Variants in PDS5A observed in about 807,000 individuals in gnomAD.
PDS5A encodes the protein sister chromatid cohesion protein PDS5 homolog A.
Under a neutral mutation model 167.1 loss-of-function variants are expected in PDS5A, and 42 were observed. The observed-to-expected ratio is 0.25, with a 90% CI of 0.20 to 0.33. The LOEUF (loss-of-function observed/expected upper bound fraction) is 0.33. Among genes scored for constraint, PDS5A ranks in the 10% least tolerant of loss-of-function variants. The probability of loss-of-function intolerance (pLI) is 1.00; values close to 1 mark genes in which losing one functional copy is unlikely to be tolerated. For synonymous variants in PDS5A, 553 were observed against 554.6 expected, an observed-to-expected ratio of 1.00 and a Z score of 0.04; for missense variants, 1,033 against 1,605.9, an observed-to-expected ratio of 0.64 and a Z score of 6.10.
chr4:39,951,503 TAAC>T (rs140680873), intron 2 of PDS5A, among the ~76,000 whole-genome samples: 5,209 of 152,310 alleles, frequency 0.034, 213 homozygotes, highest in East Asian at 0.22. Context: ...CTTGTGCTGA[TAAC>T]AACTGATAAC....
intron 32 of PDS5A, among the ~76,000 whole-genome samples, chr4:39,831,232 G>A (rs1715835347): frequency 6.6e-6 from 1 of 152,118 alleles, no homozygotes; most frequent in Non-Finnish European, 1.5e-5. Context: ...CTGAGTAGCT[G>A]GGACTAGAGG....
rs1716604426 is a variant in PDS5A at position 39,838,114 on chromosome 4, T to A, written c.3752A>T (p.Gln1251Leu). Residue 1251 changes from glutamine to leucine, a missense_variant, in exon 32 of 33, where the codon CAA becomes CTA. Transcript: ENST00000303538. ...TTCATCTACTTTCTCATCTGTTTTTTGTTGGATATTCTCTGCACCAGCTGC... is the reference window on the plus strand; with the variant it reads ...TTCATCTACTTTCTCATCTGTTTTTAGTTGGATATTCTCTGCACCAGCTGC... Reference protein sequence around the residue: ...VTAAGAENIQQKTDEKVDESG... With the variant: ...VTAAGAENIQLKTDEKVDESG... The A allele has an allele frequency of 1.2e-6, 2 of 1,613,854 alleles. No homozygotes were observed. The highest frequency in any genetic ancestry group is 1.7e-6 in the Non-Finnish European group (2 of 1,179,878).
intron 2 of PDS5A, chr4:39,973,031 A>T: frequency 1.7e-6 from 1 of 572,364 alleles, no homozygotes; most frequent in South Asian, 2.0e-5. Flanking sequence ...AATTTATTTT[A>T]TATTTTGCAA....
At chr4:39,958,233 A>G (rs1386609279) in intron 2 of PDS5A, among the ~76,000 whole-genome samples, 1 of 151,456 alleles carries the variant, frequency 6.6e-6, no homozygotes, top group African/African-American at 2.4e-5. Context: ...AAGGCCAGGC[A>G]TGGTGGTTCA....
intron 5 of PDS5A, among the ~76,000 whole-genome samples, chr4:39,925,055 T>C (rs1409297720): frequency 6.6e-6 from 1 of 152,112 alleles, no homozygotes; most frequent in African/African-American, 2.4e-5. Flanking sequence ...GAAGTTGCAG[T>C]GAGCCAAGAT....
At chr4:39,913,275 C>A (rs1044544316) in intron 9 of PDS5A, among the ~76,000 whole-genome samples, 1 of 151,870 alleles carries the variant, frequency 6.6e-6, no homozygotes, top group South Asian at 2.1e-4. Context: ...AGTAGAGACA[C>A]CATGTTGGTC....
At chr4:39,894,854 A>G (rs970854292) in intron 16 of PDS5A, among the ~76,000 whole-genome samples, 1 of 152,282 alleles carries the variant, frequency 6.6e-6, no homozygotes, top group Middle Eastern at 3.4e-3. Flanking sequence ...CAGGGCCCTT[A>G]TACAGAGAAA....
At chr4:39,836,357 G>A (rs1716385030) in intron 32 of PDS5A, among the ~76,000 whole-genome samples, 1 of 152,192 alleles carries the variant, frequency 6.6e-6, no homozygotes, top group Admixed American at 6.5e-5. Context: ...GCCATGAGAG[G>A]ATGTGAAAGA....
chr4:39,908,630 T>C, intron 10 of PDS5A, 90 bp from the exon 11 acceptor site: 1 of 768,802 alleles, frequency 1.3e-6, no homozygotes, highest in Non-Finnish European at 2.1e-6. Context: ...TGTTAAGTTT[T>C]TGTCCATACT....
intron 23 of PDS5A, among the ~76,000 whole-genome samples, chr4:39,864,775 T>C (rs968421760): frequency 3.9e-5 from 6 of 152,228 alleles, no homozygotes; most frequent in African/African-American, 1.4e-4. Flanking sequence ...AAAAACACTT[T>C]ATAGGCTTTA....
intron 9 of PDS5A, 45 bp downstream of exon 9, chr4:39,913,566 G>A (rs747731389): frequency 6.8e-6 from 7 of 1,032,356 alleles, no homozygotes; most frequent in Non-Finnish European, 1.1e-5. Context: ...GCACCCTACT[G>A]ACTATTTTCT....
chr4:39,972,177 A>G (rs1482245675), intron 2 of PDS5A, among the ~76,000 whole-genome samples: 1 of 152,206 alleles, frequency 6.6e-6, no homozygotes, highest in Non-Finnish European at 1.5e-5. Context: ...TCAAACAGAA[A>G]ATGTACATAA....
intron 30 of PDS5A, among the ~76,000 whole-genome samples, chr4:39,844,312 T>G (rs932225329): frequency 6.6e-6 from 1 of 151,534 alleles, no homozygotes; most frequent in African/African-American, 2.4e-5. Flanking sequence ...CCGTCTCTAC[T>G]AAAAATACAA....
chr4:39,914,162 GTTTT>G (rs34732453), intron 8 of PDS5A, among the ~76,000 whole-genome samples: 15 of 64,108 alleles, frequency 2.3e-4, no homozygotes, highest in African/African-American at 5.0e-4. Context: ...ATACAAATTT[GTTTT>G]TTTTTTTTTT....
At chr4:39,883,010 T>A (rs1056168748) in intron 17 of PDS5A, among the ~76,000 whole-genome samples, 4 of 152,154 alleles carry the variant, frequency 2.6e-5, no homozygotes, top group Non-Finnish European at 5.9e-5. Flanking sequence ...TGAAAACTCT[T>A]CTAATTTTCC....
At chr4:39,930,246 A>AAAAAAAAAAAAAAAAAAAAAAAATTTTTT in intron 2 of PDS5A, among the ~76,000 whole-genome samples, 1 of 93,090 alleles carries the variant, frequency 1.1e-5, no homozygotes, top group Admixed American at 1.1e-4. Context: ...AAAAAAAAAA[A>AAAAAAAAAAAAAAAAAAAAAAAATTTTTT]GTTTTTTTGT....
At chr4:39,923,662 C>A (rs911849052) in intron 5 of PDS5A, among the ~76,000 whole-genome samples, 1 of 151,806 alleles carries the variant, frequency 6.6e-6, no homozygotes, top group Admixed American at 6.6e-5. Flanking sequence ...CACACACACA[C>A]ACACACACAC....
chr4:39,831,976 T>A (rs1715937569), intron 32 of PDS5A, among the ~76,000 whole-genome samples: 1 of 142,136 alleles, frequency 7.0e-6, no homozygotes, highest in Admixed American at 7.2e-5. Flanking sequence ...TAGCCGGGTG[T>A]GGTGGCGCAC....
chr4:39,971,215 G>C (rs1345205046), intron 2 of PDS5A, among the ~76,000 whole-genome samples: 1 of 152,138 alleles, frequency 6.6e-6, no homozygotes, highest in Non-Finnish European at 1.5e-5. Flanking sequence ...CTGGAGTGCA[G>C]TGGTGGGATC....
Sources: allele counts gnomAD v4.1 joint callset (sites outside exome capture counted in the v4.1 genomes callset), GRCh38; gene constraint gnomAD v4.1.1; transcripts MANE v1.5; gene names NCBI Gene and HGNC (gene_info 2026-07-23, HGNC 2026-07-21).